Variants in FAT3 observed in about 807,000 individuals in gnomAD.
FAT3 encodes protocadherin Fat 3.
FAT3 carries 95 observed loss-of-function variants against 310.2 expected under a neutral mutation model. The observed-to-expected ratio is 0.31, with a 90% CI of 0.26 to 0.36. The LOEUF is 0.36. Ranked by LOEUF, FAT3 falls within the 10% of genes least tolerant of loss-of-function variation. The pLI, the probability that FAT3 is intolerant of heterozygous loss-of-function variation, is 1.00. For missense variants in FAT3, 5,408 were observed against 5,715.6 expected, an observed-to-expected ratio of 0.95 and a Z score of 1.74; for synonymous variants, 2,314 against 2,192.9, an observed-to-expected ratio of 1.06 and a Z score of -1.54.
At chr11:92,338,566 C>T (rs749955236) in intron 1 of FAT3, among the ~76,000 whole-genome samples, 3 of 151,960 alleles carry the variant, frequency 2.0e-5, no homozygotes, top group Non-Finnish European at 4.4e-5. Context: ...CACTCGAAGG[C>T]CTGGGAGGCT....
intron 5 of FAT3, among the ~76,000 whole-genome samples, chr11:92,763,805 A>T (rs539564306): frequency 6.6e-6 from 1 of 152,198 alleles, no homozygotes; most frequent in South Asian, 2.1e-4. Context: ...CACCAAAAAA[A>T]ACCATTTGTA....
intron 2 of FAT3, among the ~76,000 whole-genome samples, chr11:92,471,916 TATATATATATATATATA>T (rs1350969761): frequency 1.8e-3 from 1 of 558 alleles, no homozygotes; most frequent in Non-Finnish European, 5.6e-3. Context: ...TTTCATATGC[TATATATATATATATATA>T]TATATATATA....
At position 92,594,546 on chromosome 11, in the gene FAT3, T is replaced by C. The variant is rs149779569; in HGVS notation, c.3607+69598T>C. ...TCATTCCAGTGTATGACCTTAGTCATTCATTTATTTATTCAATCAGCCTGC... is the reference window on the plus strand; with the variant it reads ...TCATTCCAGTGTATGACCTTAGTCACTCATTTATTTATTCAATCAGCCTGC... On this transcript the variant is annotated intron_variant, in intron 3 of 27. Coordinates refer to ENST00000525166, the MANE Select transcript of FAT3 (RefSeq NM_001367949.2). 7.6e-4 allele frequency among the ~76,000 whole-genome samples: 115 copies of C among 152,302 alleles called. 1 individual carries two copies. Among genetic ancestry groups the C allele is most frequent in the Admixed American group, 3.8e-3 (58 of 15,290 alleles).
intron 3 of FAT3, among the ~76,000 whole-genome samples, chr11:92,540,059 C>A (rs1246443686): frequency 1.3e-5 from 2 of 152,144 alleles, no homozygotes; most frequent in African/African-American, 4.8e-5. Flanking sequence ...ACAAGGTTTT[C>A]ACTTGGACTG....
intron 12 of FAT3, among the ~76,000 whole-genome samples, chr11:92,807,078 T>C (rs1947525066): frequency 6.6e-6 from 1 of 152,156 alleles, no homozygotes; most frequent in Non-Finnish European, 1.5e-5. Flanking sequence ...TCTTTTCTCT[T>C]CTCTGGTGGT....
chr11:92,309,460 G>A (rs1259326253), intron 1 of FAT3, among the ~76,000 whole-genome samples: 1 of 151,890 alleles, frequency 6.6e-6, no homozygotes, highest in Non-Finnish European at 1.5e-5. Context: ...TTCTTCAGGA[G>A]CTTGCAAGTA....
intron 2 of FAT3, among the ~76,000 whole-genome samples, chr11:92,433,301 T>C (rs1950840338): frequency 6.6e-6 from 1 of 152,108 alleles, no homozygotes; most frequent in South Asian, 2.1e-4. Context: ...CTCCTGCTGC[T>C]AACTCGGTGT....
chr11:92,439,631 A>G (rs1191579241), intron 2 of FAT3, among the ~76,000 whole-genome samples: 1 of 152,062 alleles, frequency 6.6e-6, no homozygotes. Context: ...TAGACCTGCT[A>G]AAGGCCAGGC....
chr11:92,274,508 G>A (rs1318748744), intron 1 of FAT3, among the ~76,000 whole-genome samples: 1 of 151,726 alleles, frequency 6.6e-6, no homozygotes, highest in East Asian at 1.9e-4. Flanking sequence ...ACCATTTCAG[G>A]TTTCTTTTCA....
chr11:92,246,351 G>A (rs1864903583), intron 1 of FAT3, among the ~76,000 whole-genome samples: 1 of 152,074 alleles, frequency 6.6e-6, no homozygotes, highest in African/African-American at 2.4e-5. Flanking sequence ...TCTCCTGAGT[G>A]GTGCCCCATG....
At chr11:92,553,995 G>A (rs1346854871) in intron 3 of FAT3, among the ~76,000 whole-genome samples, 6 of 151,674 alleles carry the variant, frequency 4.0e-5, no homozygotes, top group African/African-American at 1.2e-4. Flanking sequence ...TAGTAGAGAC[G>A]GGATTTCACC....
intron 1 of FAT3, among the ~76,000 whole-genome samples, chr11:92,225,484 G>C (rs1293367699): frequency 6.6e-6 from 1 of 152,154 alleles, no homozygotes; most frequent in African/African-American, 2.4e-5. Flanking sequence ...TTGCGAGGGG[G>C]GTTGCGGATC....
chr11:92,712,430 A>T (rs1944554325), intron 4 of FAT3, among the ~76,000 whole-genome samples: 1 of 152,314 alleles, frequency 6.6e-6, no homozygotes, highest in African/African-American at 2.4e-5. Flanking sequence ...CTTCTATAAA[A>T]CATCCCTTTT....
intron 1 of FAT3, among the ~76,000 whole-genome samples, chr11:92,263,400 A>G (rs1404009827): frequency 1.4e-4 from 22 of 152,050 alleles, no homozygotes; most frequent in Non-Finnish European, 1.9e-4. Context: ...TGTATATAGA[A>G]AATTGATTTC....
chr11:92,689,320 A>G (rs992815724), intron 3 of FAT3, among the ~76,000 whole-genome samples: 1 of 152,274 alleles, frequency 6.6e-6, no homozygotes, highest in Admixed American at 6.5e-5. Flanking sequence ...TGATTATCCA[A>G]TATTCAGAAT....
chr11:92,634,887 G>A (rs1251167865), intron 3 of FAT3, among the ~76,000 whole-genome samples: 1 of 152,190 alleles, frequency 6.6e-6, no homozygotes, highest in Non-Finnish European at 1.5e-5. Context: ...TGATCCAGTA[G>A]GATTAGTGTG....
In FAT3 at chr11:92,883,509, CAT is replaced by C. The variant is rs1203595035; in HGVS notation, c.12937+117_12937+118del. 2.2e-5 allele frequency: 30 copies of C among 1,334,838 alleles called. No individual in the cohort carries two copies. The highest frequency in any genetic ancestry group is 2.7e-4 in the Middle Eastern group (1 of 3,660). The allele number at this position is 1,334,838 out of a possible 1,614,324, so 82.7% of individuals were successfully genotyped here. On this transcript the variant is annotated intron_variant, in intron 24 of 27. Coordinates refer to ENST00000525166, the MANE Select transcript of FAT3 (RefSeq NM_001367949.2). The surrounding 1 kb of genome is among the most constrained non-coding windows in gnomAD (Gnocchi z 4.2). ...CCCGCATGCAGAGCATTCGCTATGA[CAT>C]GTGCTGATGTCGAATGTGCACACCA...
intron 2 of FAT3, among the ~76,000 whole-genome samples, chr11:92,439,807 TCA>T (rs1302709648): frequency 2.0e-5 from 3 of 152,020 alleles, no homozygotes; most frequent in Non-Finnish European, 4.4e-5. Flanking sequence ...TTCTAGCTAT[TCA>T]GGAGGCTGAG....
chr11:92,467,326 C>A (rs111683455), intron 2 of FAT3, among the ~76,000 whole-genome samples: 3,227 of 152,256 alleles, frequency 0.021, 127 homozygotes, highest in African/African-American at 0.073. Context: ...CTCTGATGGA[C>A]AGTGATGGTG....
Sources: allele counts gnomAD v4.1 joint callset (sites outside exome capture counted in the v4.1 genomes callset), GRCh38; gene constraint gnomAD v4.1.1; non-coding constraint Gnocchi (gnomAD v3.1); transcripts MANE v1.5; gene names NCBI Gene and HGNC (gene_info 2026-07-23, HGNC 2026-07-21).